DRC3: variants seen among roughly 807,000 people sequenced by gnomAD.
DRC3 encodes the protein dynein regulatory complex subunit 3, also known as leucine rich repeat containing 48.
In DRC3, 45 loss-of-function variants were observed where a neutral mutation model predicts 57.6. That is an observed-to-expected ratio of 0.78 (90% confidence interval 0.62 to 1.00). DRC3 has a LOEUF of 1.00. DRC3 is among the 50% of genes least tolerant of loss of function. DRC3 has a pLI of 0.00. For synonymous variants in DRC3, 257 were observed against 272.3 expected (o/e 0.94, Z 0.55); for missense variants, 655 against 675.2 (o/e 0.97, Z 0.33).
At chr17:18,005,663 TCACCACAA>T (rs371535135) in intron 10 of DRC3, 2 of 157,132 alleles carry the variant, frequency 1.3e-5, no homozygotes, top group African/African-American at 4.8e-5. Context: ...TCATTTAACC[TCACCACAA>T]CGCCACAACG....
chr17:18,003,484 TAAAAAAAAAAAAAAA>T (rs71155309), intron 9 of DRC3, among the ~76,000 whole-genome samples: 9 of 30,124 alleles, frequency 3.0e-4, no homozygotes, highest in Admixed American at 2.3e-3. Context: ...ACTACGTCTT[TAAAAAAAAAAAAAAA>T]AAAAAAAAAA....
intron 9 of DRC3, among the ~76,000 whole-genome samples, chr17:18,000,247 AGTGTGT>A (rs34029124): frequency 1.0e-4 from 6 of 58,530 alleles, no homozygotes; most frequent in South Asian, 1.3e-3. Flanking sequence ...CTTTCACGTG[AGTGTGT>A]GTGTGTGTGT....
chr17:18,011,147 G>A (rs2044154705), intron 12 of DRC3: 3 of 219,856 alleles, frequency 1.4e-5, no homozygotes, highest in Non-Finnish European at 2.7e-5. Context: ...AGTAGAGATG[G>A]GGTTTCTCCA....
rs112156712 is a variant in DRC3 at position 18,003,319 on chromosome 17, C to T, written c.1000-1044C>T. 4.4e-3 allele frequency among the ~76,000 whole-genome samples: 668 copies of T among 151,376 alleles called. 7 individuals carry two copies. The highest frequency in any genetic ancestry group is 0.015 in the African/African-American group (638 of 41,276). On this transcript the variant is annotated intron_variant, in intron 9 of 13. Coordinates refer to ENST00000399187, the MANE Select transcript of DRC3 (RefSeq NM_031294.4). ...CCAAGATGGTGAAACCCCGTCTCTA[C>T]TAAAAATACAAAAAAAATTAGCCGG...
At chr17:18,007,987 A>G (rs111569506) in intron 12 of DRC3, 13 of 279,048 alleles carry the variant, frequency 4.7e-5, no homozygotes, top group African/African-American at 2.3e-4. Context: ...ATCACTGCAC[A>G]CTTTTACACA....
Position 18,006,205 on chromosome 17 carries a change from G to T in DRC3, c.1154G>T (p.Arg385Met), listed in dbSNP as rs369488323. The T allele has an allele frequency of 2.5e-6, 4 of 1,612,116 alleles. No individual in the cohort carries two copies. The East Asian group carries it at 6.7e-5, about 27-fold the overall frequency. Residue 385 changes from arginine (R) to methionine (M), a missense_variant, in exon 11 of 14, where the codon AGG (arginine) becomes ATG (methionine). By Grantham distance (91) the Arg-to-Met change is moderately conservative. Coordinates refer to ENST00000399187, the MANE Select transcript of DRC3 (RefSeq NM_031294.4). ...QLEETINMFE[R>M]NIVDMVGLFI... ...CAGGAGACTATAAACATGTTTGAAA[G>T]GAACATTGTTGACATGGTAGGACTG...
chr17:17,986,220 G>C (rs979740404), intron 4 of DRC3, among the ~76,000 whole-genome samples: 1 of 152,102 alleles, frequency 6.6e-6, no homozygotes, highest in Non-Finnish European at 1.5e-5. Context: ...CCCGAACCTC[G>C]ATTCCTTTAT....
At chr17:17,999,716 G>A (rs762428471) in intron 9 of DRC3, among the ~76,000 whole-genome samples, 1 of 152,244 alleles carries the variant, frequency 6.6e-6, no homozygotes, top group South Asian at 2.1e-4. Context: ...TTGCAGAACA[G>A]AGATAACCAC....
At chr17:18,002,801 G>T (rs1328155502) in intron 9 of DRC3, among the ~76,000 whole-genome samples, 1 of 152,158 alleles carries the variant, frequency 6.6e-6, no homozygotes, top group Admixed American at 6.6e-5. Flanking sequence ...ACACTGTTAA[G>T]TGACCCAGGC....
At chr17:18,007,446 G>A (rs780857572) in intron 12 of DRC3, 19 of 1,551,230 alleles carry the variant, frequency 1.2e-5, no homozygotes, top group Non-Finnish European at 1.7e-5. Context: ...CACTTTCTAA[G>A]AGAAGCAGTT....
intron 3 of DRC3, among the ~76,000 whole-genome samples, chr17:17,982,893 T>G (rs1228831003): frequency 2.6e-5 from 4 of 152,166 alleles, no homozygotes; most frequent in Non-Finnish European, 5.9e-5. Flanking sequence ...ATATTCTAAT[T>G]TTATAAATTT....
intron 3 of DRC3, among the ~76,000 whole-genome samples, chr17:17,980,112 C>G (rs2042588532): frequency 6.6e-6 from 1 of 152,254 alleles, no homozygotes; most frequent in Non-Finnish European, 1.5e-5. Flanking sequence ...TCAGAGAACC[C>G]TGTCCTCCCC....
intron 12 of DRC3, chr17:18,015,576 G>C (rs573358047): frequency 6.5e-6 from 1 of 154,088 alleles, no homozygotes; most frequent in African/African-American, 2.4e-5. Flanking sequence ...TGGTTTTGTT[G>C]ACATGAGTGG....
At chr17:17,987,645 T>C (rs2043023738) in intron 4 of DRC3, among the ~76,000 whole-genome samples, 1 of 152,186 alleles carries the variant, frequency 6.6e-6, no homozygotes, top group African/African-American at 2.4e-5. Context: ...GGTTAGTATT[T>C]TCCTCCCAGA....
At chr17:18,015,961 T>C (rs1446427079) in intron 12 of DRC3, 103 bp from the exon 13 acceptor site, 2 of 1,304,588 alleles carry the variant, frequency 1.5e-6, no homozygotes, top group Non-Finnish European at 2.1e-6. Context: ...GAGTGTGGCC[T>C]GCACAGCCAG....
At chr17:17,979,659 C>T (rs1332069437) in intron 3 of DRC3, among the ~76,000 whole-genome samples, 4 of 152,148 alleles carry the variant, frequency 2.6e-5, no homozygotes, top group Non-Finnish European at 5.9e-5. Flanking sequence ...GGCATGCTGG[C>T]GTGTGTGGCA....
chr17:17,983,117 T>C (rs1183166283), intron 3 of DRC3, among the ~76,000 whole-genome samples: 1 of 152,196 alleles, frequency 6.6e-6, no homozygotes. Context: ...ATGAACCAGC[T>C]GTGTAGCTGG....
chr17:17,996,320 A>G (rs1467483455), intron 8 of DRC3, among the ~76,000 whole-genome samples: 1 of 152,242 alleles, frequency 6.6e-6, no homozygotes, highest in Admixed American at 6.5e-5. Context: ...CCAGCCAGAA[A>G]GAGGTTTAAT....
intron 12 of DRC3, chr17:18,011,792 T>A: frequency 5.2e-6 from 1 of 192,582 alleles, no homozygotes; most frequent in Non-Finnish European, 1.1e-5. Flanking sequence ...AGAGTCTCTG[T>A]GTGGAGGACT....
Sources: allele counts gnomAD v4.1 joint callset (sites outside exome capture counted in the v4.1 genomes callset), GRCh38; gene constraint gnomAD v4.1.1; transcripts MANE v1.5; gene names NCBI Gene and HGNC (gene_info 2026-07-23, HGNC 2026-07-21).